CHD8: variants seen among roughly 807,000 people sequenced by gnomAD.
The protein encoded by CHD8 is ATP-dependent chromatin remodeler CHD8.
In CHD8, 31 loss-of-function variants were observed where a neutral mutation model predicts 279.2. That is an observed-to-expected ratio of 0.11 (90% confidence interval 0.08 to 0.15). The LOEUF (loss-of-function observed/expected upper bound fraction) is 0.15, where lower values mean the gene tolerates loss of function less well. Among genes scored for constraint, CHD8 ranks in the 10% least tolerant of loss-of-function variants. The pLI, the probability that CHD8 is intolerant of heterozygous loss-of-function variation, is 1.00. For synonymous variants in CHD8, 1,081 were observed against 1,139.6 expected, an observed-to-expected ratio of 0.95 and a Z score of 1.04; for missense variants, 2,146 against 3,230.5, an observed-to-expected ratio of 0.66 and a Z score of 8.14.
intron 5 of CHD8, among the ~76,000 whole-genome samples, chr14:21,418,805 A>G (rs1459619052): frequency 1.3e-5 from 2 of 152,232 alleles, no homozygotes; most frequent in Non-Finnish European, 2.9e-5. Context: ...TGGGCGACAC[A>G]GGGAGACTCC....
chr14:21,388,184 G>A (rs574719348), intron 37 of CHD8, among the ~76,000 whole-genome samples: 3 of 152,124 alleles, frequency 2.0e-5, no homozygotes, highest in African/African-American at 4.8e-5. Flanking sequence ...GCAAAATATT[G>A]ATAGTTTACT....
At chr14:21,420,908 G>T (rs1051064703) in intron 5 of CHD8, among the ~76,000 whole-genome samples, 1 of 151,958 alleles carries the variant, frequency 6.6e-6, no homozygotes, top group Admixed American at 6.6e-5. Flanking sequence ...GATTACAAGC[G>T]TGCACCACCA....
chr14:21,415,862 C>A lies in CHD8; in HGVS notation c.1762G>T (p.Asp588Tyr). Residue 588 changes from aspartate to tyrosine, a missense_variant, in exon 6 of 38, where the codon GAC becomes TAC. Asp to Tyr is a radical substitution (Grantham distance 160, BLOSUM62 -3). Around this residue, in one of 26 missense-constraint regions of CHD8, gnomAD observed 123 missense variants for 169.2 expected, o/e 0.73. Transcript: ENST00000646647. ...RQVKRKKYTEDLDIKITDDEE... is the reference protein window; with the variant it reads ...RQVKRKKYTEYLDIKITDDEE... The stretch of plus-strand genomic sequence containing the variant: ...TCATCTGTGATCTTTATATCCAGGT[C>A]CTCTGTATATTTTTTTCGCTTAACT... 1 of 1,613,876 alleles carries A rather than the reference C, an allele frequency of 6.2e-7. No individual in the cohort carries two copies. The highest frequency in any genetic ancestry group is 8.5e-7 in the Non-Finnish European group (1 of 1,179,828).
At chr14:21,427,781 C>T (rs1889391081) in intron 4 of CHD8, 88 bp downstream of exon 4, 5 of 1,525,738 alleles carry the variant, frequency 3.3e-6, no homozygotes, top group South Asian at 2.6e-5. Context: ...GATGTTTGCT[C>T]TGCCCTCAAA....
chr14:21,402,242 A>C lies in CHD8; in HGVS notation c.3882+94T>G. ...TTAAGAAATAATAATTGAGAATCCA[A>C]ACAAGGTAGTCAAATCCCTGTGTAC... is the stretch of plus-strand genomic sequence containing the variant. On this transcript the variant is annotated intron_variant, in intron 19 of 37. Coordinates refer to ENST00000646647, the MANE Select transcript of CHD8 (RefSeq NM_001170629.2). This position sits in a 1 kb window ranked among gnomAD's most constrained non-coding sequence, Gnocchi z 4.5. The C allele has an allele frequency of 6.6e-7, 1 of 1,520,326 alleles. No homozygotes were observed. The highest frequency in any genetic ancestry group is 1.1e-5 in the South Asian group (1 of 87,020). The allele number at this position is 1,520,326 out of a possible 1,614,324, so 94.2% of individuals were successfully genotyped here.
chr14:21,439,710 G>A (rs566220744), intron 1 of CHD8, among the ~76,000 whole-genome samples: 1 of 152,182 alleles, frequency 6.6e-6, no homozygotes, highest in East Asian at 1.9e-4. Flanking sequence ...AACTTGTGCT[G>A]GAAAATTTTC....
chr14:21,409,495 T>C (rs1888388090), intron 11 of CHD8, among the ~76,000 whole-genome samples: 1 of 152,220 alleles, frequency 6.6e-6, no homozygotes, highest in Non-Finnish European at 1.5e-5. Context: ...ATGTATGCAA[T>C]GATTGGTACC....
rs1889541223 is a variant in CHD8 at position 21,430,999 on chromosome 14, A to G, written c.645T>C (p.Val215=). The change falls in exon 2 of 38, where the codon GTT becomes GTC. Residue 215 remains valine, a synonymous_variant. Coordinates refer to ENST00000646647, the MANE Select transcript of CHD8 (RefSeq NM_001170629.2). ...ACACTGTATTACCAGAGACAATGGA[A>G]ACACCTGGTCGAAGGGGTGTGCCGG... ...VLTGTPLRPG[V]SIVSGNTVLA... is the part of the protein sequence containing the mutation. 3 of 1,599,576 alleles carry G rather than the reference A, an allele frequency of 1.9e-6. No individual in the cohort carries two copies. The highest frequency in any genetic ancestry group is 1.7e-4 in the Middle Eastern group (1 of 6,060).
At chr14:21,401,565 CA>C in intron 20 of CHD8, 52 bp from the exon 21 acceptor site, 1 of 1,058,194 alleles carries the variant, frequency 9.5e-7, no homozygotes, top group Admixed American at 2.7e-5. Context: ...TTAAGTGGTG[CA>C]AAATCAGCAA....
At chr14:21,429,870 T>A in intron 2 of CHD8, 1 of 196,228 alleles carries the variant, frequency 5.1e-6, no homozygotes, top group Admixed American at 5.2e-5. Flanking sequence ...CTCGAACTCC[T>A]GGCCTCAAGC....
chr14:21,402,113 C>T lies in CHD8; in HGVS notation c.3906G>A (p.Glu1302=). ...CTCCTTTTCTTAAAAGATCTTCAAT[C>T]TCCTTCTTAGAGAACTGTTGGATCT... ...ITGIQQFSKK[E]IEDLLRKGAY... The change falls in exon 20 of 38, where the codon GAG becomes GAA. Residue 1302 remains glutamate, a synonymous_variant. Coordinates refer to ENST00000646647, the MANE Select transcript of CHD8 (RefSeq NM_001170629.2). The surrounding 1 kb of genome is among the most constrained non-coding windows in gnomAD (Gnocchi z 4.5). 6.2e-7 allele frequency: 1 copy of T among 1,609,126 alleles called. No individual in the cohort carries two copies. Among genetic ancestry groups the T allele is most frequent in the Admixed American group, 1.7e-5 (1 of 58,486 alleles).
At position 21,428,887 on chromosome 14, in the gene CHD8, A is replaced by G. The variant is rs1015768002; in HGVS notation, c.1215+77T>C. On this transcript the variant is annotated intron_variant, in intron 3 of 37. Coordinates refer to ENST00000646647, the MANE Select transcript of CHD8 (RefSeq NM_001170629.2). ...CTAGAATGGCCCCACATTCAAGAAT[A>G]AGTGGTTGCTGAGGGCAACAGCAAT... 8.8e-6 allele frequency: 12 copies of G among 1,363,624 alleles called. No homozygotes were observed. The South Asian group carries it at 1.6e-4, about 18-fold the overall frequency. The allele number at this position is 1,363,624 out of a possible 1,614,324, so 84.5% of individuals were successfully genotyped here.
chr14:21,454,967 C>T (rs1333573257), intron 1 of CHD8: 1 of 152,112 alleles, frequency 6.6e-6, no homozygotes, highest in African/African-American at 2.4e-5. Context: ...TGTAATGTGC[C>T]CCACACCAGA....
chr14:21,389,238 T>G (rs936302314), intron 37 of CHD8, among the ~76,000 whole-genome samples: 3 of 151,286 alleles, frequency 2.0e-5, no homozygotes, highest in Non-Finnish European at 2.9e-5. Context: ...AGGTAAAGGT[T>G]GCAGTGAGCT....
chr14:21,438,510 C>CT (rs1261758886), intron 1 of CHD8, among the ~76,000 whole-genome samples: 1 of 23,870 alleles, frequency 4.2e-5, no homozygotes, highest in Non-Finnish European at 8.2e-5. Context: ...CACCTAGTCT[C>CT]TTAAAAAAAA....
At position 21,385,354 on chromosome 14, in the gene CHD8, A is replaced by G. The variant is rs1887178062; in HGVS notation, c.*259T>C. The G allele has an allele frequency of 1.9e-6, 1 of 525,610 alleles. No individual in the cohort carries two copies. The highest frequency in any genetic ancestry group is 1.9e-5 in the African/African-American group (1 of 52,650). The allele number at this position is 525,610 out of a possible 1,614,324, so 32.6% of individuals were successfully genotyped here. A position where few individuals can be genotyped will look rare whatever the true frequency, so the allele number is the denominator to read the frequency against. On this transcript the variant is annotated 3_prime_UTR_variant, in exon 38 of 38. Transcript: ENST00000646647. ...TAATGGAGGTGACTAGGGAGGGGTG[A>G]GCACACCAGCTGCTCTAGTCTCCTT...
rs1888099267 is a variant in CHD8, at chr14:21,402,940, C to G, written c.3714+77G>C. The G allele has an allele frequency of 8.0e-7, 1 of 1,254,244 alleles. No individual in the cohort carries two copies. The highest frequency in any genetic ancestry group is 2.4e-5 in the Admixed American group (1 of 42,038). The allele number at this position is 1,254,244 out of a possible 1,614,324, so 77.7% of individuals were successfully genotyped here. On this transcript the variant is annotated intron_variant, in intron 18 of 37. Coordinates refer to ENST00000646647, the MANE Select transcript of CHD8 (RefSeq NM_001170629.2). This position sits in a 1 kb window ranked among gnomAD's most constrained non-coding sequence, Gnocchi z 4.5. ...AACAATTCCAAACTCTGTGAAAGGT[C>G]TTTCTAAAAGATCCTATTCTTGTTG...
chr14:21,437,377 T>G (rs1004012725), intron 1 of CHD8: 1 of 540,874 alleles, frequency 1.8e-6, no homozygotes, highest in African/African-American at 2.0e-5. Context: ...TATAAGGAGC[T>G]CCCTTCCCCC....
At position 21,402,702 on chromosome 14, in the gene CHD8, C is replaced by T. The variant is rs112989266; in HGVS notation, c.3715-199G>A. 9.2e-5 allele frequency among the ~76,000 whole-genome samples: 14 copies of T among 152,276 alleles called. No homozygotes were observed. The highest frequency in any genetic ancestry group is 3.1e-4 in the African/African-American group (13 of 41,562). ...GTCAGCAAACTAAAGTCTGTGTGGA[C>T]ATCTGTTTTTAAAAATAAAGTTCAA... is the stretch of plus-strand genomic sequence containing the variant. On this transcript the variant is annotated intron_variant, in intron 18 of 37. Coordinates refer to ENST00000646647, the MANE Select transcript of CHD8 (RefSeq NM_001170629.2). The surrounding 1 kb of genome is among the most constrained non-coding windows in gnomAD (Gnocchi z 4.5).
Sources: allele counts gnomAD v4.1 joint callset (sites outside exome capture counted in the v4.1 genomes callset), GRCh38; gene constraint gnomAD v4.1.1; regional missense constraint gnomAD v4.1.1; non-coding constraint Gnocchi (gnomAD v3.1); transcripts MANE v1.5; gene names NCBI Gene and HGNC (gene_info 2026-07-23, HGNC 2026-07-21).